Variants in DIAPH1 observed in about 807,000 individuals in gnomAD.
DIAPH1 encodes the protein diaphanous related formin 1, also known as protein diaphanous homolog 1.
Under a neutral mutation model 140.7 loss-of-function variants are expected in DIAPH1, and 46 were observed. The observed-to-expected ratio is 0.33, with a 90% CI of 0.26 to 0.42. The LOEUF is 0.42. Ranked by LOEUF, DIAPH1 falls within the 10% of genes least tolerant of loss-of-function variation. The pLI is 1.00. For synonymous variants in DIAPH1, 565 were observed against 551.6 expected, an observed-to-expected ratio of 1.02 and a Z score of -0.34; for missense variants, 1,310 against 1,558.7, an observed-to-expected ratio of 0.84 and a Z score of 2.69.
intron 18 of DIAPH1, among the ~76,000 whole-genome samples, chr5:141,558,840 C>T (rs555621430): frequency 9.1e-4 from 137 of 151,278 alleles, no homozygotes; most frequent in African/African-American, 3.3e-3. Flanking sequence ...TGCACAAATA[C>T]GCCAGTTTAT....
At chr5:141,560,064 C>T (rs962199827) in intron 18 of DIAPH1, among the ~76,000 whole-genome samples, 24 of 152,128 alleles carry the variant, frequency 1.6e-4, no homozygotes, top group Non-Finnish European at 3.4e-4. Flanking sequence ...TTAAAAAATG[C>T]CATGAAACCA....
intron 19 of DIAPH1, among the ~76,000 whole-genome samples, chr5:141,531,927 T>C (rs1033006583): frequency 6.6e-6 from 1 of 152,166 alleles, no homozygotes; most frequent in Non-Finnish European, 1.5e-5. Flanking sequence ...CAATCCAGCC[T>C]CAAAATCACT....
intron 15 of DIAPH1, among the ~76,000 whole-genome samples, chr5:141,574,474 GA>G (rs1238128025): frequency 6.6e-6 from 1 of 152,080 alleles, no homozygotes; most frequent in East Asian, 1.9e-4. Context: ...CCCTTGATTA[GA>G]AAATGTAAAG....
chr5:141,520,457 A>T (rs2099886344), intron 27 of DIAPH1, among the ~76,000 whole-genome samples: 1 of 152,108 alleles, frequency 6.6e-6, no homozygotes, highest in African/African-American at 2.4e-5. Context: ...ATGAGCTCAT[A>T]CAAGCACTGG....
intron 18 of DIAPH1, among the ~76,000 whole-genome samples, chr5:141,554,910 C>T (rs1330458119): frequency 6.6e-6 from 1 of 151,882 alleles, no homozygotes; most frequent in Non-Finnish European, 1.5e-5. Context: ...TGTATATATA[C>T]CAAAAGCTAC....
intron 18 of DIAPH1, among the ~76,000 whole-genome samples, chr5:141,566,072 G>C (rs1165326188): frequency 6.6e-6 from 1 of 152,218 alleles, no homozygotes; most frequent in East Asian, 1.9e-4. Flanking sequence ...CTCAGGGAAA[G>C]AGTGAAGTCA....
At chr5:141,558,999 C>T (rs181004337) in intron 18 of DIAPH1, among the ~76,000 whole-genome samples, 2 of 151,778 alleles carry the variant, frequency 1.3e-5, no homozygotes, top group East Asian at 1.9e-4. Flanking sequence ...TTAGATCTCT[C>T]AGGCATATAT....
chr5:141,608,908 T>C (rs567728186), intron 1 of DIAPH1, among the ~76,000 whole-genome samples: 24 of 152,302 alleles, frequency 1.6e-4, no homozygotes, highest in African/African-American at 5.5e-4. Context: ...AGCTTCCCCC[T>C]TCCTGTAACA....
chr5:141,516,698 T>C lies in DIAPH1; in HGVS notation c.*153A>G. The C allele has an allele frequency of 6.1e-6, 5 of 824,934 alleles. No homozygotes were observed. Among genetic ancestry groups the C allele is most frequent in the Admixed American group, 2.0e-5 (1 of 49,082 alleles). 51.1% of individuals were successfully genotyped at this position (824,934 alleles called of 1,614,324 possible). A position where few individuals can be genotyped will look rare whatever the true frequency, so the allele number is the denominator to read the frequency against. On this transcript the variant is annotated 3_prime_UTR_variant, in exon 28 of 28. Coordinates refer to ENST00000389054, the MANE Select transcript of DIAPH1 (RefSeq NM_005219.5). Reference sequence around the variant, plus strand: ...TCCAGGCAGCTGAAGCTGTATGTGATGTTGAGAGAGCAGCAGGCCAGAGAG... The same window carrying C: ...TCCAGGCAGCTGAAGCTGTATGTGACGTTGAGAGAGCAGCAGGCCAGAGAG...
intron 1 of DIAPH1, among the ~76,000 whole-genome samples, chr5:141,613,021 A>C (rs2099902089): frequency 6.6e-6 from 1 of 152,182 alleles, no homozygotes. Context: ...GACAGGAAAT[A>C]AGTCACAAAA....
intron 1 of DIAPH1, among the ~76,000 whole-genome samples, chr5:141,596,368 T>G (rs2099899324): frequency 6.6e-6 from 1 of 151,866 alleles, no homozygotes; most frequent in Non-Finnish European, 1.5e-5. Context: ...CCAGGCATTG[T>G]AGCGCTTGCC....
chr5:141,536,777 G>A (rs1372232484), intron 18 of DIAPH1, among the ~76,000 whole-genome samples: 1 of 152,180 alleles, frequency 6.6e-6, no homozygotes, highest in Non-Finnish European at 1.5e-5. Context: ...TGTTGGATGT[G>A]TTGTTGAAGG....
At chr5:141,558,430 A>T (rs1315078252) in intron 18 of DIAPH1, 1 of 152,224 alleles carries the variant, frequency 6.6e-6, no homozygotes, top group African/African-American at 2.4e-5. Flanking sequence ...ACAAACAGGA[A>T]ATGGAGGAGT....
At chr5:141,540,742 C>T (rs1171736922) in intron 18 of DIAPH1, among the ~76,000 whole-genome samples, 1 of 151,692 alleles carries the variant, frequency 6.6e-6, no homozygotes, top group Non-Finnish European at 1.5e-5. Flanking sequence ...ACAGACATGT[C>T]ACCAGCACTA....
At chr5:141,543,803 G>A (rs576292242) in intron 18 of DIAPH1, among the ~76,000 whole-genome samples, 1 of 152,158 alleles carries the variant, frequency 6.6e-6, no homozygotes, top group Admixed American at 6.6e-5. Context: ...CAAAAAATGG[G>A]ATTGTATACT....
Position 141,529,167 on chromosome 5 carries a change from C to T in DIAPH1, c.2778+5G>A. ...AAACCGCTTACTGCCACAGGCCTCA[C>T]TCACCACCACGCCAAACTGCTCTGA... On this transcript the variant is annotated splice_donor_5th_base_variant and intron_variant, in intron 21 of 27. Transcript: ENST00000389054. 6.2e-7 allele frequency: 1 copy of T among 1,613,932 alleles called. No individual in the cohort carries two copies. Among genetic ancestry groups the T allele is most frequent in the Non-Finnish European group, 8.5e-7 (1 of 1,179,794 alleles).
chr5:141,569,760 C>CAAAAAT lies in DIAPH1; in HGVS notation c.2482+1662_2482+1667dup, dbSNP rs1272851636. Among the ~76,000 whole-genome samples the CAAAAAT allele has an allele frequency of 1.0e-4, 15 of 150,636 alleles. No individual in the cohort carries two copies. In the East Asian group the frequency reaches 2.1e-3, roughly 22 times the overall value. On this transcript the variant is annotated intron_variant, in intron 18 of 27. Transcript: ENST00000389054. ...TGGGCGACAGAGCAACACTCTGTCT[C>CAAAAAT]AAAAATAAAAATAAAAATAAAAAAA...
rs1218107172 is a variant in DIAPH1 at position 141,529,164 on chromosome 5, T to A, written c.2778+8A>T. 1 of 1,613,082 alleles carries A rather than the reference T, an allele frequency of 6.2e-7. No individual in the cohort carries two copies. Among genetic ancestry groups the A allele is most frequent in the East Asian group, 2.2e-5 (1 of 44,886 alleles). ...GGAAAACCGCTTACTGCCACAGGCC[T>A]CACTCACCACCACGCCAAACTGCTC... On this transcript the variant is annotated splice_region_variant and intron_variant, in intron 21 of 27. Coordinates refer to ENST00000389054, the MANE Select transcript of DIAPH1 (RefSeq NM_005219.5).
At chr5:141,584,659 CT>C (rs2099897258) in intron 3 of DIAPH1, among the ~76,000 whole-genome samples, 1 of 152,168 alleles carries the variant, frequency 6.6e-6, no homozygotes, top group East Asian at 1.9e-4. Flanking sequence ...CCCATTACCC[CT>C]GGTTAACTCA....
Sources: gnomAD v4.1 joint callset for allele counts (sites outside exome capture counted in the v4.1 genomes callset) on GRCh38, gnomAD v4.1.1 for gene constraint, MANE v1.5 for transcripts, NCBI Gene and HGNC (gene_info 2026-07-23, HGNC 2026-07-21) for gene names.